SPINDOC: variants seen among roughly 807,000 people sequenced by gnomAD.
SPINDOC encodes the protein spindlin interactor and repressor of chromatin-binding protein.
SPINDOC carries 13 observed loss-of-function variants against 30.7 expected under a neutral mutation model. That is an observed-to-expected ratio of 0.42 (90% confidence interval 0.28 to 0.67). The LOEUF is 0.67. Among genes scored for constraint, SPINDOC ranks in the 30% least tolerant of loss-of-function variants. SPINDOC has a pLI of 0.22. For synonymous variants in SPINDOC, 228 were observed against 211.4 expected (o/e 1.08, Z -0.68); for missense variants, 438 against 518.0 (o/e 0.85, Z 1.50).
rs1282048519 is a variant in SPINDOC at position 63,826,917 on chromosome 11, TC to T, written c.935-8del. On this transcript the variant is annotated splice_polypyrimidine_tract_variant and intron_variant, in intron 5 of 5. Coordinates refer to ENST00000294244, the MANE Select transcript of SPINDOC (RefSeq NM_138471.3). ...GGGCTCTGACTGCTCTCTGCTCTCA[TC>T]CCTGCCCAGCTCCCCCTCCGGGGCT... 1.4e-6 allele frequency: 2 copies of T among 1,388,502 alleles called. No homozygotes were observed. Among genetic ancestry groups the T allele is most frequent in the East Asian group, 4.6e-5 (2 of 43,562 alleles). 86.0% of individuals were successfully genotyped at this position (1,388,502 alleles called of 1,614,324 possible).
At chr11:63,824,780 C>T (rs2015612168) in intron 5 of SPINDOC, among the ~76,000 whole-genome samples, 1 of 150,376 alleles carries the variant, frequency 6.6e-6, no homozygotes, top group Non-Finnish European at 1.5e-5. Context: ...AAAAAAAAAT[C>T]TCAAACTCGC....
Position 63,818,105 on chromosome 11 carries a change from G to A in SPINDOC, c.428G>A (p.Arg143Lys). ...SEGVALLQDV[R>K]AEQPSPPNSD... ...GGGGTGGCCCTCTTGCAAGACGTGA[G>A]AGCTGAGCAGCCGTCCCCACCCAAC... The change falls in exon 2 of 6, where the codon AGA (arginine) becomes AAA (lysine). Residue 143 changes from arginine (R) to lysine (K), a missense_variant. This residue lies in a region of SPINDOC where 300 missense variants were observed against 332.8 expected (regional missense o/e 0.90). Transcript: ENST00000294244. The surrounding 1 kb of genome is among the most constrained non-coding windows in gnomAD (Gnocchi z 5.3). The A allele has an allele frequency of 6.2e-7, 1 of 1,614,086 alleles. No individual in the cohort carries two copies.
At position 63,827,442 on chromosome 11, in the gene SPINDOC, C is replaced by A; in HGVS notation, c.*303C>A. 1 of 464,992 alleles carries A rather than the reference C, an allele frequency of 2.2e-6. No individual in the cohort carries two copies. Among genetic ancestry groups the A allele is most frequent in the East Asian group, 4.1e-5 (1 of 24,640 alleles). 28.8% of individuals were successfully genotyped at this position (464,992 alleles called of 1,614,324 possible). A position where few individuals can be genotyped will look rare whatever the true frequency, so the allele number is the denominator to read the frequency against. Reference sequence around the variant, plus strand: ...TTGTCCCCCATGACCTCCTCCCACCCTCCCCCTGCTCCCCACCATTCTCCC... The same window carrying A: ...TTGTCCCCCATGACCTCCTCCCACCATCCCCCTGCTCCCCACCATTCTCCC... On this transcript the variant is annotated 3_prime_UTR_variant, in exon 6 of 6. Coordinates refer to ENST00000294244, the MANE Select transcript of SPINDOC (RefSeq NM_138471.3).
At position 63,827,483 on chromosome 11, in the gene SPINDOC, ACAC is replaced by A; in HGVS notation, c.*345_*347del. The A allele has an allele frequency of 2.9e-6, 1 of 346,392 alleles. No homozygotes were observed. Among genetic ancestry groups the A allele is most frequent in the South Asian group, 2.7e-5 (1 of 36,566 alleles). 21.5% of individuals were successfully genotyped at this position (346,392 alleles called of 1,614,324 possible). On this transcript the variant is annotated 3_prime_UTR_variant, in exon 6 of 6. Transcript: ENST00000294244. ...CCATTCTCCCTTGGCACAGTGCCTTACACAAGAGTGGTCATAAGGGGGTTTGAA... is the reference window on the plus strand; with the variant it reads ...CCATTCTCCCTTGGCACAGTGCCTTAAAGAGTGGTCATAAGGGGGTTTGAA...
intron 1 of SPINDOC, among the ~76,000 whole-genome samples, chr11:63,815,088 A>G (rs181096652): frequency 7.1e-4 from 108 of 152,358 alleles, no homozygotes; most frequent in Non-Finnish European, 1.4e-3. Flanking sequence ...GTTCATGTAT[A>G]GTATGTTGGG....
Position 63,817,945 on chromosome 11 carries a change from C to G in SPINDOC, c.268C>G (p.Leu90Val). The change falls in exon 2 of 6, where the codon CTG (leucine) becomes GTG (valine). Residue 90 changes from leucine (L) to valine (V), a missense_variant. Around this residue, in one of 3 missense-constraint regions of SPINDOC, gnomAD observed 129 missense variants for 152.7 expected, o/e 0.84. Coordinates refer to ENST00000294244, the MANE Select transcript of SPINDOC (RefSeq NM_138471.3). The stretch of plus-strand genomic sequence containing the variant: ...CAGCCCAGGAGGCAGCGGGCGGGCA[C>G]TGTGCATGGTGTGTGGCGCTGAGAT... ...GSSPGGSGRALCMVCGAEIRA... is the reference protein window; with the variant it reads ...GSSPGGSGRAVCMVCGAEIRA... 1 of 1,614,118 alleles carries G rather than the reference C, an allele frequency of 6.2e-7. No homozygotes were observed. The highest frequency in any genetic ancestry group is 1.3e-5 in the African/African-American group (1 of 75,046).
intron 1 of SPINDOC, among the ~76,000 whole-genome samples, chr11:63,814,014 C>T (rs1477916774): frequency 1.3e-5 from 2 of 152,202 alleles, no homozygotes; most frequent in Non-Finnish European, 2.9e-5. Context: ...TCCTCGATTT[C>T]CCCCTCCCTT....
intron 5 of SPINDOC, chr11:63,822,545 T>G (rs1285931470): frequency 8.2e-6 from 10 of 1,213,118 alleles, no homozygotes; most frequent in Admixed American, 2.3e-5. Flanking sequence ...TGCTTTTGTT[T>G]ATTTGCCTAA....
rs116722082 is a variant in SPINDOC at position 63,818,349 on chromosome 11, C to T, written c.591C>T (p.Arg197=). 3 of 1,613,856 alleles carry T rather than the reference C, an allele frequency of 1.9e-6. No homozygotes were observed. In the African/African-American group the frequency reaches 4.0e-5, roughly 22 times the overall value. Residue 197 remains arginine (R), a synonymous_variant, in exon 3 of 6, where the codon CGC becomes CGT. Coordinates refer to ENST00000294244, the MANE Select transcript of SPINDOC (RefSeq NM_138471.3). The surrounding 1 kb of genome is among the most constrained non-coding windows in gnomAD (Gnocchi z 5.3). ...AAAGGAGCCGGCCCAGGGGACTCCG[C>T]CCCCTCGAGCTTCCTGGTTAGTCAA... ...LPKRSRPRGL[R]PLELPAVPAT...
chr11:63,823,657 G>A (rs994536529), intron 5 of SPINDOC, among the ~76,000 whole-genome samples: 3 of 151,976 alleles, frequency 2.0e-5, no homozygotes, highest in African/African-American at 7.3e-5. Context: ...GTGCAGTGGC[G>A]TGATCTTGGC....
In SPINDOC at chr11:63,822,569, G is replaced by A. The variant is rs9804541; in HGVS notation, c.934+3567G>A. On this transcript the variant is annotated intron_variant, in intron 5 of 5. Transcript: ENST00000294244. ...TTATTTGCCTAAATTTGAGCCCCCC[G>A]TTTTCTGATCTCGAGGCAGGCCTCA... The A allele has an allele frequency of 0.012, 14,898 of 1,282,022 alleles. 1,374 individuals carry two copies. In the African/African-American group the frequency reaches 0.2, roughly 17 times the overall value. 79.4% of individuals were successfully genotyped at this position (1,282,022 alleles called of 1,614,324 possible). A position where few individuals can be genotyped will look rare whatever the true frequency, so the allele number is the denominator to read the frequency against.
At chr11:63,822,356 T>TAAAAAAAAAAAAAAAAAAAAA (rs753315518) in intron 5 of SPINDOC, among the ~76,000 whole-genome samples, 2 of 58,824 alleles carry the variant, frequency 3.4e-5, no homozygotes, top group African/African-American at 5.4e-5. Flanking sequence ...CTAGACTGTC[T>TAAAAAAAAAAAAAAAAAAAAA]AAAAAAAAAA....
chr11:63,826,891 G>A, intron 5 of SPINDOC, 37 bp from the exon 6 acceptor site: 1 of 1,049,718 alleles, frequency 9.5e-7, no homozygotes, highest in Non-Finnish European at 1.5e-6. Context: ...GGGTGTCTGG[G>A]GGGCTCTGAC....
Position 63,813,547 on chromosome 11 carries a change from G to A in SPINDOC, c.-140G>A, listed in dbSNP as rs1382032444. The A allele has an allele frequency of 1.0e-5, 7 of 670,822 alleles. No homozygotes were observed. The highest frequency in any genetic ancestry group is 1.3e-5 in the Non-Finnish European group (7 of 544,266). The allele number at this position is 670,822 out of a possible 1,614,324, so 41.6% of individuals were successfully genotyped here. A position where few individuals can be genotyped will look rare whatever the true frequency, so the allele number is the denominator to read the frequency against. ...CGCAGGCCCGGCCGGCGAGCGGCGG[G>A]CGGGCGGCGGGGAGGGGGCTGCGCG... On this transcript the variant is annotated 5_prime_UTR_variant, in exon 1 of 6. Transcript: ENST00000294244.
chr11:63,827,347 C>T lies in SPINDOC; in HGVS notation c.*208C>T. 1 of 863,894 alleles carries T rather than the reference C, an allele frequency of 1.2e-6. No homozygotes were observed. The highest frequency in any genetic ancestry group is 1.7e-5 in the South Asian group (1 of 58,370). 53.5% of individuals were successfully genotyped at this position (863,894 alleles called of 1,614,324 possible). ...CTGAGGTCGGCGAGGGTGGCTGAGG[C>T]TGTTGTGCAGTAGGGCACTGGGCCT... On this transcript the variant is annotated 3_prime_UTR_variant, in exon 6 of 6. Transcript: ENST00000294244.
intron 5 of SPINDOC, among the ~76,000 whole-genome samples, chr11:63,819,318 C>G (rs1404334432): frequency 6.6e-6 from 1 of 152,218 alleles, no homozygotes; most frequent in Non-Finnish European, 1.5e-5. Flanking sequence ...TCAAGCAATT[C>G]TCCTGCCTCA....
rs1394045348 is a variant in SPINDOC at position 63,817,926 on chromosome 11, A to G, written c.249A>G (p.Pro83=). 1 of 1,614,122 alleles carries G rather than the reference A, an allele frequency of 6.2e-7. No individual in the cohort carries two copies. Among genetic ancestry groups the G allele is most frequent in the South Asian group, 1.1e-5 (1 of 91,074 alleles). ...WEQEFLVGSS[P]GGSGRALCMV... ...AGGAGTTCCTGGTGGGCAGCAGCCC[A>G]GGAGGCAGCGGGCGGGCACTGTGCA... The change falls in exon 2 of 6, where the codon CCA becomes CCG. Residue 83 remains proline, a synonymous_variant. Coordinates refer to ENST00000294244, the MANE Select transcript of SPINDOC (RefSeq NM_138471.3).
intron 1 of SPINDOC, among the ~76,000 whole-genome samples, chr11:63,815,601 A>C (rs2015318041): frequency 6.6e-6 from 1 of 152,202 alleles, no homozygotes; most frequent in Non-Finnish European, 1.5e-5. Context: ...AAGAGAAGGA[A>C]GTAGAGAAGT....
rs2015684118 is a variant in SPINDOC at position 63,827,490 on chromosome 11, A to G, written c.*351A>G. The stretch of plus-strand genomic sequence containing the variant: ...CCCTTGGCACAGTGCCTTACACAAG[A>G]GTGGTCATAAGGGGGTTTGAACTGA... On this transcript the variant is annotated 3_prime_UTR_variant, in exon 6 of 6. Transcript: ENST00000294244. The G allele has an allele frequency of 2.9e-6, 1 of 345,706 alleles. No homozygotes were observed. The highest frequency in any genetic ancestry group is 3.9e-5 in the Admixed American group (1 of 25,694). The allele number at this position is 345,706 out of a possible 1,614,324, so 21.4% of individuals were successfully genotyped here.
Sources: gnomAD v4.1 joint callset for allele counts (sites outside exome capture counted in the v4.1 genomes callset) on GRCh38, gnomAD v4.1.1 for gene constraint, gnomAD v4.1.1 regional missense constraint, Gnocchi (gnomAD v3.1) non-coding constraint, MANE v1.5 for transcripts, NCBI Gene and HGNC (gene_info 2026-07-23, HGNC 2026-07-21) for gene names.